CTNND2: variants seen among roughly 807,000 people sequenced by gnomAD.
The protein encoded by CTNND2 is catenin delta-2.
A neutral mutation model predicts 144.4 loss-of-function variants in CTNND2; 22 were observed. The ratio of observed to expected loss-of-function variants is 0.15; its 90% CI spans 0.11 to 0.22. The LOEUF (loss-of-function observed/expected upper bound fraction) is 0.22. CTNND2 is among the 10% of genes least tolerant of loss of function. CTNND2 has a pLI of 1.00. For synonymous variants in CTNND2, 751 were observed against 695.6 expected (o/e 1.08, Z -1.25); for missense variants, 1,353 against 1,618.8 (o/e 0.84, Z 2.82).
chr5:11,504,048 A>G (rs1008805925), intron 3 of CTNND2, among the ~76,000 whole-genome samples: 1 of 152,232 alleles, frequency 6.6e-6, no homozygotes, highest in African/African-American at 2.4e-5. Flanking sequence ...TCAACGTACA[A>G]AACATAGAGA....
chr5:11,282,328 T>C (rs1192503200), intron 9 of CTNND2, among the ~76,000 whole-genome samples: 1 of 152,176 alleles, frequency 6.6e-6, no homozygotes, highest in Admixed American at 6.5e-5. Context: ...AGTTTTTAAG[T>C]GCCCAGAGAA....
intron 11 of CTNND2, among the ~76,000 whole-genome samples, chr5:11,186,253 C>T (rs1448614044): frequency 6.6e-6 from 1 of 152,222 alleles, no homozygotes; most frequent in African/African-American, 2.4e-5. Flanking sequence ...ACAAAACACT[C>T]TCTGATCGGT....
At position 11,758,861 on chromosome 5, in the gene CTNND2, T is replaced by G. The variant is rs564163850; in HGVS notation, c.38-26589A>C. Among the ~76,000 whole-genome samples the G allele has an allele frequency of 2.0e-5, 3 of 152,186 alleles. No homozygotes were observed. The South Asian group carries it at 6.2e-4, about 32-fold the overall frequency. On this transcript the variant is annotated intron_variant, in intron 1 of 21. Coordinates refer to ENST00000304623, the MANE Select transcript of CTNND2 (RefSeq NM_001332.4). Reference sequence around the variant, plus strand: ...GACTTCACACATTTTATTTTCTTTGTTCTTTCTTTTCAGTACATTTAGAAT... The same window carrying G: ...GACTTCACACATTTTATTTTCTTTGGTCTTTCTTTTCAGTACATTTAGAAT...
chr5:11,769,758 G>A (rs1289381562), intron 1 of CTNND2, among the ~76,000 whole-genome samples: 2 of 152,082 alleles, frequency 1.3e-5, no homozygotes, highest in Non-Finnish European at 2.9e-5. Flanking sequence ...AATCATTACA[G>A]TATAAGTGAT....
chr5:11,104,084 G>C (rs1752177267), intron 14 of CTNND2, among the ~76,000 whole-genome samples: 3 of 152,198 alleles, frequency 2.0e-5, no homozygotes, highest in Non-Finnish European at 4.4e-5. Context: ...CGTATCTTCA[G>C]AACATAAACA....
intron 18 of CTNND2, among the ~76,000 whole-genome samples, chr5:11,002,091 G>C (rs1406713804): frequency 6.6e-6 from 1 of 152,218 alleles, no homozygotes; most frequent in Non-Finnish European, 1.5e-5. Flanking sequence ...CAGGATAAAA[G>C]GGGAGAGTAT....
At chr5:11,566,408 C>T (rs1049918995) in intron 2 of CTNND2, among the ~76,000 whole-genome samples, 1 of 152,042 alleles carries the variant, frequency 6.6e-6, no homozygotes, top group Non-Finnish European at 1.5e-5. Context: ...TCTTAAAGTC[C>T]TACTGCTTTT....
rs544854045 is a variant in CTNND2, at chr5:11,208,438, A to C, written c.1762-8777T>G. Among the ~76,000 whole-genome samples the C allele has an allele frequency of 2.0e-5, 3 of 152,292 alleles. No individual in the cohort carries two copies. In the East Asian group the frequency reaches 5.8e-4, roughly 29 times the overall value. ...AAAGATGAACATATTCTAAAGCACC[A>C]ATATACAGAACAATATGAAATGACC... On this transcript the variant is annotated intron_variant, in intron 10 of 21. Coordinates refer to ENST00000304623, the MANE Select transcript of CTNND2 (RefSeq NM_001332.4).
At chr5:11,801,235 G>A (rs924632590) in intron 1 of CTNND2, among the ~76,000 whole-genome samples, 1 of 152,168 alleles carries the variant, frequency 6.6e-6, no homozygotes, top group African/African-American at 2.4e-5. Context: ...AGTTTGCACA[G>A]TGGTTTTATT....
intron 11 of CTNND2, among the ~76,000 whole-genome samples, chr5:11,160,705 A>G (rs1392954524): frequency 6.6e-6 from 1 of 152,228 alleles, no homozygotes; most frequent in African/African-American, 2.4e-5. Context: ...TTGGAAATAA[A>G]ACACTATAGT....
At chr5:11,816,454 C>T (rs1048504243) in intron 1 of CTNND2, among the ~76,000 whole-genome samples, 21 of 151,298 alleles carry the variant, frequency 1.4e-4, no homozygotes, top group Non-Finnish European at 3.1e-4. Context: ...GCATCAGGGT[C>T]TACGCAGAAC....
chr5:11,724,054 CAA>C (rs34050641), intron 2 of CTNND2, among the ~76,000 whole-genome samples: 8,777 of 138,648 alleles, frequency 0.063, 867 homozygotes, highest in African/African-American at 0.21. Context: ...GGCTTCATTT[CAA>C]AAAAAAAAAA....
intron 11 of CTNND2, among the ~76,000 whole-genome samples, chr5:11,179,311 C>CA (rs1052980948): frequency 9.3e-5 from 14 of 150,852 alleles, no homozygotes; most frequent in Admixed American, 6.6e-4. Flanking sequence ...GCACAAAAAA[C>CA]AAAAAAACAA....
At chr5:11,128,919 TATAATACATAA>T in intron 12 of CTNND2, among the ~76,000 whole-genome samples, 1 of 59,834 alleles carries the variant, frequency 1.7e-5, no homozygotes, top group Non-Finnish European at 3.2e-5. Context: ...ATATATAATA[TATAATACATAA>T]ATATATATAT....
chr5:11,373,179 C>A (rs1757617497), intron 7 of CTNND2, among the ~76,000 whole-genome samples: 1 of 152,194 alleles, frequency 6.6e-6, no homozygotes, highest in Non-Finnish European at 1.5e-5. Context: ...ACTTCAAAGG[C>A]CTTAATGAGC....
At chr5:11,733,324 T>TA (rs1787500033) in intron 1 of CTNND2, among the ~76,000 whole-genome samples, 1 of 152,024 alleles carries the variant, frequency 6.6e-6, no homozygotes. Context: ...GTGTAGTAGA[T>TA]AGTGTCGGAC....
intron 7 of CTNND2, among the ~76,000 whole-genome samples, chr5:11,383,777 A>T (rs984360993): frequency 1.3e-5 from 2 of 152,214 alleles, no homozygotes; most frequent in African/African-American, 4.8e-5. Context: ...AGGGAAAAAA[A>T]ATTCACAATA....
At chr5:11,771,914 G>T (rs1268480411) in intron 1 of CTNND2, among the ~76,000 whole-genome samples, 1 of 152,146 alleles carries the variant, frequency 6.6e-6, no homozygotes, top group Non-Finnish European at 1.5e-5. Context: ...TAGGCTGTTG[G>T]ATTTATGAGC....
Position 11,199,622 on chromosome 5 carries a change from A to G in CTNND2, c.1801T>C (p.Leu601=), listed in dbSNP as rs1436233430. The G allele has an allele frequency of 6.2e-7, 1 of 1,614,204 alleles. No individual in the cohort carries two copies. Among genetic ancestry groups the G allele is most frequent in the Non-Finnish European group, 8.5e-7 (1 of 1,180,044 alleles). Residue 601 remains leucine, a synonymous_variant, in exon 11 of 22, where the codon TTG becomes CTG. Coordinates refer to ENST00000304623, the MANE Select transcript of CTNND2 (RefSeq NM_001332.4). ...QGGIQLLVDL[L]DHRMTEVHRS... ...TGGACTTCGGTCATCCGATGATCCAACAGGTCCACCAGGAGCTGGATGCCT... is the reference window on the plus strand; with the variant it reads ...TGGACTTCGGTCATCCGATGATCCAGCAGGTCCACCAGGAGCTGGATGCCT...
Sources: allele counts gnomAD v4.1 joint callset (sites outside exome capture counted in the v4.1 genomes callset), GRCh38; gene constraint gnomAD v4.1.1; transcripts MANE v1.5; gene names NCBI Gene and HGNC (gene_info 2026-07-23, HGNC 2026-07-21).